The following OCRL variants were observed in gnomAD, a reference collection of about 807,000 sequenced individuals.
OCRL encodes the protein OCRL inositol polyphosphate-5-phosphatase.
OCRL carries 8 observed loss-of-function variants against 78.9 expected under a neutral mutation model. The ratio of observed to expected loss-of-function variants is 0.10; its 90% CI spans 0.06 to 0.18. OCRL has a LOEUF of 0.18. Ranked by LOEUF, OCRL falls within the 10% of genes least tolerant of loss-of-function variation. The pLI is 1.00. For missense variants in OCRL, 454 were observed against 696.7 expected (o/e 0.65, Z 3.92); for synonymous variants, 240 against 235.4 (o/e 1.02, Z -0.18).
At chrX:129,569,168 T>G (rs1023687719) in intron 14 of OCRL, 96 bp from the exon 15 acceptor site, 19 of 976,085 alleles carry the variant, frequency 1.9e-5, no homozygotes, top group Admixed American at 1.8e-4. Flanking sequence ...TTTGGGAGCA[T>G]GTAACAAGAG....
In OCRL at chrX:129,588,037, A is replaced by T. The variant is rs1254907804; in HGVS notation, c.2257-142A>T. On this transcript the variant is annotated intron_variant, in intron 20 of 23. Transcript: ENST00000371113. ...AGAAATGCTAAAGGAAAAATGTGTT[A>T]TTTTCACACCTCCATTTGTAATTAT... The T allele has an allele frequency of 2.9e-5, 15 of 510,099 alleles. No homozygotes were observed. The East Asian group carries it at 5.4e-4, about 18-fold the overall frequency. 42.0% of individuals were successfully genotyped at this position (510,099 alleles called of 1,213,427 possible). A position where few individuals can be genotyped will look rare whatever the true frequency, so the allele number is the denominator to read the frequency against.
At chrX:129,570,650 CATT>C (rs1365363383) in intron 15 of OCRL, among the ~76,000 whole-genome samples, 1 of 112,406 alleles carries the variant, frequency 8.9e-6, no homozygotes, top group African/African-American at 3.2e-5. Flanking sequence ...AAATAATAAT[CATT>C]AATAATAGTA....
chrX:129,565,539 C>A (rs1481635989), intron 12 of OCRL, among the ~76,000 whole-genome samples: 1 of 112,068 alleles, frequency 8.9e-6, no homozygotes, highest in Non-Finnish European at 1.9e-5. Context: ...TAATATTTCC[C>A]AGTTTCATTC....
rs765966280 is a variant in OCRL at position 129,576,324 on chromosome X, A to G, written c.1887A>G (p.Thr629=). Residue 629 remains threonine (T), a synonymous_variant, in exon 18 of 24, where the codon ACA becomes ACG. Transcript: ENST00000371113. ...PFEGYLEPNE[T]VDISLDVYVS... Reference sequence around the variant, plus strand: ...TCATCTCTTACATTTCAGATGAGACAGTGGACATTTCTCTTGATGTGTATG... The same window carrying G: ...TCATCTCTTACATTTCAGATGAGACGGTGGACATTTCTCTTGATGTGTATG... 8.7e-5 allele frequency: 104 copies of G among 1,200,386 alleles called. No individual in the cohort carries two copies. Among genetic ancestry groups the G allele is most frequent in the Non-Finnish European group, 1.2e-4 (102 of 886,289 alleles).
intron 18 of OCRL, among the ~76,000 whole-genome samples, chrX:129,578,042 C>T (rs1936394718): frequency 9.0e-6 from 1 of 111,283 alleles, no homozygotes; most frequent in Non-Finnish European, 1.9e-5. Context: ...CCCCACATGC[C>T]TTCTGTACAT....
chrX:129,547,329 T>C (rs1031537777), intron 3 of OCRL, among the ~76,000 whole-genome samples: 3 of 109,475 alleles, frequency 2.7e-5, no homozygotes, highest in Non-Finnish European at 5.7e-5. Context: ...ATTGAGACCA[T>C]CCTGGCTAAC....
intron 3 of OCRL, among the ~76,000 whole-genome samples, chrX:129,548,028 C>G (rs955718709): frequency 6.1e-4 from 68 of 111,784 alleles, no homozygotes; most frequent in Non-Finnish European, 1.1e-3. Flanking sequence ...GCCTTGGGCC[C>G]ACAGGTAGTA....
At chrX:129,566,000 CAG>C in intron 13 of OCRL, 117 bp downstream of exon 13, 1 of 524,933 alleles carries the variant, frequency 1.9e-6, no homozygotes, top group Non-Finnish European at 3.3e-6. Context: ...CTTGTGAAAA[CAG>C]TGTGACTAGT....
chrX:129,571,363 G>GTT (rs1301308479), intron 15 of OCRL, among the ~76,000 whole-genome samples: 70 of 80,474 alleles, frequency 8.7e-4, no homozygotes, highest in African/African-American at 1.4e-3. Flanking sequence ...TTGTTTTTTG[G>GTT]TTTTTTTTTT....
At chrX:129,584,841 A>G (rs1343578087) in intron 19 of OCRL, among the ~76,000 whole-genome samples, 1 of 112,297 alleles carries the variant, frequency 8.9e-6, no homozygotes, top group Non-Finnish European at 1.9e-5. Flanking sequence ...GGACCTGAAC[A>G]AGATCATAAA....
Position 129,575,152 on chromosome X carries a change from G to A in OCRL, c.1615G>A (p.Asp539Asn). Residue 539 changes from aspartate to asparagine, a missense_variant, in exon 16 of 24, where the codon GAT (aspartate) becomes AAT (asparagine). Physicochemically the swap from Asp to Asn is conservative, Grantham distance 23. This residue lies in a region of OCRL where 277 missense variants were observed against 517.1 expected (regional missense o/e 0.54). Transcript: ENST00000371113. ...CATTTTCTTTCAGGTGAAGGTTGTGGATGAACGAAGGTACCGGAAAGTCTT... is the reference window on the plus strand; with the variant it reads ...CATTTTCTTTCAGGTGAAGGTTGTGAATGAACGAAGGTACCGGAAAGTCTT... The part of the protein sequence containing the change: ...ALFHIGVKVV[D>N]ERRYRKVFED... The A allele has an allele frequency of 8.3e-7, 1 of 1,201,256 alleles. No homozygotes were observed. The highest frequency in any genetic ancestry group is 1.1e-6 in the Non-Finnish European group (1 of 885,718).
intron 2 of OCRL, among the ~76,000 whole-genome samples, chrX:129,544,003 A>G (rs905220709): frequency 1.8e-5 from 2 of 111,119 alleles, no homozygotes; most frequent in Non-Finnish European, 3.8e-5. Context: ...AGAGGGGCAA[A>G]CAAAGGCGAT....
At chrX:129,542,697 A>G (rs1000640756) in intron 2 of OCRL, among the ~76,000 whole-genome samples, 2 of 111,479 alleles carry the variant, frequency 1.8e-5, no homozygotes, top group African/African-American at 6.5e-5. Flanking sequence ...AGAATACCTG[A>G]GATCTGATCC....
At chrX:129,588,450 G>C (rs1319697648) in intron 21 of OCRL, among the ~76,000 whole-genome samples, 187 bp downstream of exon 21, 1 of 111,792 alleles carries the variant, frequency 8.9e-6, no homozygotes, top group Non-Finnish European at 1.9e-5. Context: ...TCCATATCCA[G>C]CTCTTACTAA....
intron 4 of OCRL, among the ~76,000 whole-genome samples, chrX:129,555,466 T>G (rs867040744): frequency 9.0e-6 from 1 of 111,639 alleles, no homozygotes; most frequent in Middle Eastern, 4.6e-3. Flanking sequence ...AGAGCAAGAC[T>G]CCGTCTCAAA....
chrX:129,588,067 A>G (rs769030317), intron 20 of OCRL, 112 bp from the exon 21 acceptor site: 4 of 572,789 alleles, frequency 7.0e-6, no homozygotes, highest in Non-Finnish European at 9.4e-6. Context: ...AATTATTAAC[A>G]CACATACCAC....
rs1935920550 is a variant in OCRL at position 129,548,569 on chromosome X, A to T, written c.206A>T (p.Glu69Val). ...CTTTTTTTTCCCCTCTCAGAAGCAG[A>T]AGAAACTCTTTTGATTGACATAGCT... ...NSHFRCVQEA[E>V]ETLLIDIASN... The change falls in exon 4 of 24, where the codon GAA becomes GTA. Residue 69 changes from glutamate to valine, a missense_variant. Glu to Val is a moderately radical substitution (Grantham distance 121, BLOSUM62 -2). This residue lies in a region of OCRL where 177 missense variants were observed against 179.6 expected (regional missense o/e 0.99). Transcript: ENST00000371113. The T allele has an allele frequency of 8.3e-7, 1 of 1,202,965 alleles. No individual in the cohort carries two copies. The highest frequency in any genetic ancestry group is 1.8e-5 in the African/African-American group (1 of 57,086).
At chrX:129,565,429 A>G (rs1373638052) in intron 12 of OCRL, among the ~76,000 whole-genome samples, 1 of 112,196 alleles carries the variant, frequency 8.9e-6, no homozygotes, top group Non-Finnish European at 1.9e-5. Flanking sequence ...CTCTTCCCCT[A>G]AAGACCTGGC....
intron 18 of OCRL, among the ~76,000 whole-genome samples, chrX:129,577,759 C>G (rs1222825383): frequency 1.8e-5 from 2 of 112,329 alleles, no homozygotes; most frequent in African/African-American, 6.5e-5. Context: ...TATATTACCT[C>G]TGTTTGAGAG....
Sources: gnomAD v4.1 joint callset for allele counts (sites outside exome capture counted in the v4.1 genomes callset) on GRCh38, gnomAD v4.1.1 for gene constraint, gnomAD v4.1.1 regional missense constraint, MANE v1.5 for transcripts, NCBI Gene and HGNC (gene_info 2026-07-23, HGNC 2026-07-21) for gene names.